The following CCDC149 variants were observed in gnomAD, a reference collection of about 807,000 sequenced individuals.
CCDC149 encodes the protein coiled-coil domain containing 149, also known as coiled-coil domain-containing protein 149.
In CCDC149, 45 loss-of-function variants were observed where a neutral mutation model predicts 59.9. The ratio of observed to expected loss-of-function variants is 0.75; its 90% CI spans 0.59 to 0.96. CCDC149 has a LOEUF of 0.96. CCDC149 is among the 40% of genes least tolerant of loss of function. CCDC149 has a pLI of 0.00. For synonymous variants in CCDC149, 245 were observed against 260.6 expected (o/e 0.94, Z 0.58); for missense variants, 584 against 664.7 (o/e 0.88, Z 1.33).
chr4:24,921,327 A>C (rs768152144), intron 1 of CCDC149, among the ~76,000 whole-genome samples: 6 of 152,246 alleles, frequency 3.9e-5, no homozygotes, highest in Non-Finnish European at 7.3e-5. Flanking sequence ...CTGAAATATC[A>C]AAATACTTCC....
intron 1 of CCDC149, among the ~76,000 whole-genome samples, chr4:24,937,918 T>C (rs1173819875): frequency 1.3e-5 from 2 of 152,194 alleles, no homozygotes; most frequent in Non-Finnish European, 2.9e-5. Flanking sequence ...AATGCTGTGC[T>C]GCTCCTTATG....
intron 1 of CCDC149, among the ~76,000 whole-genome samples, chr4:24,899,378 C>T (rs1487726778): frequency 3.9e-5 from 6 of 152,146 alleles, no homozygotes; most frequent in Non-Finnish European, 8.8e-5. Flanking sequence ...ACTTAGGGCA[C>T]ACTGAGTAAG....
At chr4:24,831,280 T>G (rs1323344045) in intron 9 of CCDC149, 2 of 528,848 alleles carry the variant, frequency 3.8e-6, no homozygotes, top group East Asian at 6.8e-5. Flanking sequence ...TAGCTCAGAG[T>G]AAGCATTCAG....
intron 1 of CCDC149, among the ~76,000 whole-genome samples, chr4:24,920,180 C>T (rs1490158049): frequency 6.6e-6 from 1 of 152,222 alleles, no homozygotes; most frequent in Non-Finnish European, 1.5e-5. Flanking sequence ...ATTACCATCT[C>T]TTCTGGTTTT....
chr4:24,859,816 G>A (rs1560222154), intron 3 of CCDC149, among the ~76,000 whole-genome samples: 1 of 152,126 alleles, frequency 6.6e-6, no homozygotes, highest in Non-Finnish European at 1.5e-5. Context: ...GTCAAGCTGA[G>A]AATCAAATCA....
In CCDC149 at chr4:24,873,889, A is replaced by G. The variant is rs1475719659; in HGVS notation, c.226-170T>C. Among the ~76,000 whole-genome samples the G allele has an allele frequency of 3.3e-5, 5 of 152,144 alleles. No homozygotes were observed. The East Asian group carries it at 9.7e-4, about 29-fold the overall frequency. ...AATATACTTTAAAAAAATAACTACA[A>G]ACTGAACCAGAGTTATTTTGGAAAA... On this transcript the variant is annotated intron_variant, in intron 2 of 12. Transcript: ENST00000635206.
intron 4 of CCDC149, among the ~76,000 whole-genome samples, chr4:24,848,688 G>A (rs770125651): frequency 6.6e-6 from 1 of 151,800 alleles, no homozygotes; most frequent in Non-Finnish European, 1.5e-5. Flanking sequence ...TAAGTGAAAA[G>A]GTGAAAGTTC....
chr4:24,873,615 T>C (rs1021086293), intron 3 of CCDC149, 66 bp downstream of exon 3: 29 of 1,052,676 alleles, frequency 2.8e-5, no homozygotes, highest in African/African-American at 1.6e-4. Context: ...CATTTTGAGA[T>C]TCCCTGATCC....
At chr4:24,938,601 C>G (rs953201549) in intron 1 of CCDC149, among the ~76,000 whole-genome samples, 1 of 152,208 alleles carries the variant, frequency 6.6e-6, no homozygotes, top group African/African-American at 2.4e-5. Context: ...CGAGGAATCA[C>G]TTCACCCAGG....
At chr4:24,911,808 G>A (rs367905627) in intron 1 of CCDC149, among the ~76,000 whole-genome samples, 9 of 152,346 alleles carry the variant, frequency 5.9e-5, no homozygotes, top group African/African-American at 1.9e-4. Context: ...GATGAAAGGA[G>A]TGAGGGAGTA....
intron 12 of CCDC149, among the ~76,000 whole-genome samples, chr4:24,813,648 T>C (rs1448812713): frequency 1.3e-5 from 2 of 151,922 alleles, no homozygotes; most frequent in African/African-American, 4.8e-5. Flanking sequence ...AACATAAAAG[T>C]ATTGATACGA....
At position 24,813,522 on chromosome 4, in the gene CCDC149, ATATAT is replaced by A. The variant is rs1560197721; in HGVS notation, c.1193-4708_1193-4704del. Among the ~76,000 whole-genome samples, 534 of 103,730 alleles carry A rather than the reference ATATAT, an allele frequency of 5.1e-3. 6 individuals carry two copies. Among genetic ancestry groups the A allele is most frequent in the East Asian group, 0.033 (96 of 2,952 alleles). The allele number at this position is 103,730 out of a possible 152,430, so 68.1% of individuals were successfully genotyped here. On this transcript the variant is annotated intron_variant, in intron 12 of 12. Coordinates refer to ENST00000635206, the MANE Select transcript of CCDC149 (RefSeq NM_001330643.2). ...TATATATATATATATATATATATATATATATAAAACCTAAAAAGGAAATATAATCT... is the reference window on the plus strand; with the variant it reads ...TATATATATATATATATATATATATAAAAACCTAAAAAGGAAATATAATCT...
At chr4:24,979,390 C>T (rs1724365750) in intron 1 of CCDC149, among the ~76,000 whole-genome samples, 1 of 152,142 alleles carries the variant, frequency 6.6e-6, no homozygotes, top group South Asian at 2.1e-4. Flanking sequence ...ATGGTCAGAG[C>T]ACAGACAGGG....
intron 4 of CCDC149, among the ~76,000 whole-genome samples, chr4:24,846,306 C>T (rs1717281897): frequency 1.3e-5 from 2 of 152,196 alleles, no homozygotes; most frequent in Admixed American, 1.3e-4. Flanking sequence ...AAGGGCCCTT[C>T]TCACTCATTG....
At chr4:24,960,451 A>T (rs531603989) in intron 1 of CCDC149, among the ~76,000 whole-genome samples, 2 of 152,286 alleles carry the variant, frequency 1.3e-5, no homozygotes, top group African/African-American at 4.8e-5. Flanking sequence ...ATATATCCCA[A>T]ATAAAATCAG....
chr4:24,967,945 G>C (rs1054114501), intron 1 of CCDC149, among the ~76,000 whole-genome samples: 1 of 152,154 alleles, frequency 6.6e-6, no homozygotes, highest in South Asian at 2.1e-4. Context: ...TGGTGAAGCA[G>C]CTGCAAACTT....
chr4:24,879,479 T>C lies in CCDC149; in HGVS notation c.64-2782A>G, dbSNP rs1310253828. Among the ~76,000 whole-genome samples, 4 of 147,376 alleles carry C rather than the reference T, an allele frequency of 2.7e-5. No homozygotes were observed. In the East Asian group the frequency reaches 6.0e-4, roughly 22 times the overall value. ...CTGCAGTGAGCCGAGATCGCACCAT[T>C]GCACACCAGCTGGGCAAAAAGAGCG... On this transcript the variant is annotated intron_variant, in intron 1 of 12. Coordinates refer to ENST00000635206, the MANE Select transcript of CCDC149 (RefSeq NM_001330643.2).
chr4:24,867,590 C>T (rs546509259), intron 3 of CCDC149, among the ~76,000 whole-genome samples: 25 of 152,258 alleles, frequency 1.6e-4, no homozygotes, highest in Admixed American at 7.8e-4. Context: ...TAAATGTGGT[C>T]CATGGAACAC....
rs372998273 is a variant in CCDC149 at position 24,923,169 on chromosome 4, T to C, written c.-64-28051A>G. On this transcript the variant is annotated intron_variant, in intron 1 of 12. Transcript: ENST00000389609. ...TCAGCTGATTTGTGAGCATAATAACTATGGGGACAAGGTCACAGGCTGATA... is the reference window on the plus strand; with the variant it reads ...TCAGCTGATTTGTGAGCATAATAACCATGGGGACAAGGTCACAGGCTGATA... Among the ~76,000 whole-genome samples the C allele has an allele frequency of 4.6e-5, 7 of 152,270 alleles. No homozygotes were observed. The South Asian group carries it at 1.4e-3, about 32-fold the overall frequency.
Sources: allele counts gnomAD v4.1 joint callset (sites outside exome capture counted in the v4.1 genomes callset), GRCh38; gene constraint gnomAD v4.1.1; transcripts MANE v1.5; gene names NCBI Gene and HGNC (gene_info 2026-07-23, HGNC 2026-07-21).